GALNT1: variants seen among roughly 807,000 people sequenced by gnomAD.
GALNT1 encodes the protein polypeptide N-acetylgalactosaminyltransferase 1, also known as GalNAc transferase 1.
Under a neutral mutation model 65.7 loss-of-function variants are expected in GALNT1, and 17 were observed. The observed-to-expected ratio is 0.26, with a 90% CI of 0.18 to 0.39. The LOEUF (loss-of-function observed/expected upper bound fraction) is 0.39, where lower values mean the gene tolerates loss of function less well. Ranked by LOEUF, GALNT1 falls within the 10% of genes least tolerant of loss-of-function variation. The pLI is 1.00. For synonymous variants in GALNT1, 210 were observed against 219.7 expected, an observed-to-expected ratio of 0.96 and a Z score of 0.39; for missense variants, 460 against 672.8, an observed-to-expected ratio of 0.68 and a Z score of 3.50.
intron 1 of GALNT1, among the ~76,000 whole-genome samples, chr18:35,626,552 T>C (rs2046919570): frequency 6.6e-6 from 1 of 152,190 alleles, no homozygotes; most frequent in African/African-American, 2.4e-5. Flanking sequence ...TAATTATAGG[T>C]TGCAGATTGG....
chr18:35,652,696 C>A (rs539991989), intron 1 of GALNT1, among the ~76,000 whole-genome samples: 1 of 152,100 alleles, frequency 6.6e-6, no homozygotes, highest in Non-Finnish European at 1.5e-5. Flanking sequence ...TTTTTTGCCT[C>A]TCCTTTATCT....
chr18:35,626,426 A>G (rs904178430), intron 1 of GALNT1, among the ~76,000 whole-genome samples: 3 of 152,194 alleles, frequency 2.0e-5, no homozygotes, highest in Admixed American at 6.5e-5. Flanking sequence ...CTTAAAATTT[A>G]TATTGAAGTT....
intron 1 of GALNT1, among the ~76,000 whole-genome samples, chr18:35,623,384 A>C (rs1469011465): frequency 6.6e-6 from 1 of 152,058 alleles, no homozygotes; most frequent in Non-Finnish European, 1.5e-5. Flanking sequence ...AGTTTTAAAC[A>C]AGATGTGCTG....
chr18:35,642,378 G>A (rs187495280), intron 1 of GALNT1, among the ~76,000 whole-genome samples: 56 of 152,266 alleles, frequency 3.7e-4, no homozygotes, highest in Middle Eastern at 6.8e-3. Context: ...CCACTTATAA[G>A]CACTTCAGAA....
At chr18:35,629,086 T>G (rs1302398341) in intron 1 of GALNT1, among the ~76,000 whole-genome samples, 2 of 152,124 alleles carry the variant, frequency 1.3e-5, no homozygotes, top group African/African-American at 4.8e-5. Context: ...CAAATCTACA[T>G]CTGATTGGTG....
chr18:35,677,261 G>T (rs1056931965), intron 3 of GALNT1, among the ~76,000 whole-genome samples: 7 of 152,094 alleles, frequency 4.6e-5, no homozygotes, highest in Non-Finnish European at 1.0e-4. Flanking sequence ...GTCTAATAGG[G>T]TCTTTGAAAT....
intron 3 of GALNT1, among the ~76,000 whole-genome samples, chr18:35,666,925 C>G (rs1391683724): frequency 6.6e-6 from 1 of 151,734 alleles, no homozygotes; most frequent in Non-Finnish European, 1.5e-5. Context: ...CACTCTATCT[C>G]TGGACTGATA....
chr18:35,599,464 G>T (rs1190224194), intron 1 of GALNT1, among the ~76,000 whole-genome samples: 1 of 150,306 alleles, frequency 6.7e-6, no homozygotes, highest in African/African-American at 2.5e-5. Flanking sequence ...TTGAACTCCG[G>T]GGCTCAAGTG....
Position 35,615,466 on chromosome 18 carries a change from G to A in GALNT1, c.-104+33604G>A, listed in dbSNP as rs140656328. On this transcript the variant is annotated intron_variant, in intron 1 of 11. Transcript: ENST00000269195. The stretch of plus-strand genomic sequence containing the variant: ...CTAGATTGTGAAAGGCAAAACTTAA[G>A]CCTCCAGAATAAAATATTAGAGAGT... Among the ~76,000 whole-genome samples, 593 of 152,222 alleles carry A rather than the reference G, an allele frequency of 3.9e-3. 9 individuals are homozygous for A. The highest frequency in any genetic ancestry group is 0.014 in the African/African-American group (568 of 41,546).
intron 1 of GALNT1, among the ~76,000 whole-genome samples, chr18:35,624,735 C>G (rs1424369410): frequency 1.3e-5 from 2 of 151,978 alleles, no homozygotes; most frequent in Non-Finnish European, 2.9e-5. Flanking sequence ...CCTTTTAATT[C>G]TCAACATATT....
At chr18:35,626,119 C>T (rs138252238) in intron 1 of GALNT1, among the ~76,000 whole-genome samples, 81 of 152,238 alleles carry the variant, frequency 5.3e-4, no homozygotes, top group Non-Finnish European at 6.0e-4. Context: ...GTCATTCTCC[C>T]CACCAGTTTC....
chr18:35,660,625 T>G (rs977215000), intron 2 of GALNT1, among the ~76,000 whole-genome samples: 4 of 152,204 alleles, frequency 2.6e-5, no homozygotes, highest in Admixed American at 2.0e-4. Context: ...AACCTACTTT[T>G]AATACACATA....
rs945388122 is a variant in GALNT1, at chr18:35,711,558, A to G, written c.*1788A>G. 1.3e-5 allele frequency: 2 copies of G among 152,234 alleles called. No individual in the cohort carries two copies. Among genetic ancestry groups the G allele is most frequent in the African/African-American group, 2.4e-5 (1 of 41,470 alleles). The allele number at this position is 152,234 out of a possible 1,614,324, so 9.4% of individuals were successfully genotyped here. A position where few individuals can be genotyped will look rare whatever the true frequency, so the allele number is the denominator to read the frequency against. On this transcript the variant is annotated 3_prime_UTR_variant, in exon 12 of 12. Coordinates refer to ENST00000269195, the MANE Select transcript of GALNT1 (RefSeq NM_020474.4). ...CTTTTCCATGAGCTGTGTTAATTCTATCTCCAGTAGGCCTAATGCTTGAAT... is the reference window on the plus strand; with the variant it reads ...CTTTTCCATGAGCTGTGTTAATTCTGTCTCCAGTAGGCCTAATGCTTGAAT...
chr18:35,622,427 T>G (rs2046864920), intron 1 of GALNT1, among the ~76,000 whole-genome samples: 2 of 152,074 alleles, frequency 1.3e-5, no homozygotes, highest in South Asian at 4.1e-4. Flanking sequence ...AACTTTTGTA[T>G]TTTTTGTAGA....
chr18:35,642,699 C>T (rs1008088372), intron 1 of GALNT1, among the ~76,000 whole-genome samples: 2 of 149,656 alleles, frequency 1.3e-5, no homozygotes, highest in Non-Finnish European at 3.0e-5. Context: ...TTATGACCCA[C>T]AGAGTGGAAG....
chr18:35,670,960 A>G (rs1461692533), intron 3 of GALNT1, among the ~76,000 whole-genome samples: 1 of 152,186 alleles, frequency 6.6e-6, no homozygotes, highest in East Asian at 1.9e-4. Context: ...CATCATACAG[A>G]AAAATCAATT....
chr18:35,709,706 A>G lies in GALNT1; in HGVS notation c.1616A>G (p.Asp539Gly). 6.2e-7 allele frequency: 1 copy of G among 1,614,092 alleles called. No individual in the cohort carries two copies. The highest frequency in any genetic ancestry group is 8.5e-7 in the Non-Finnish European group (1 of 1,179,980). Reference sequence around the variant, plus strand: ...GATAGCCAGGTGCCCAGCATTAGAGACTGCAATGGAAGTCGGTCCCAGCAG... The same window carrying G: ...GATAGCCAGGTGCCCAGCATTAGAGGCTGCAATGGAAGTCGGTCCCAGCAG... ...EEDSQVPSIR[D>G]CNGSRSQQWL... is the part of the protein sequence containing the mutation. The change falls in exon 12 of 12, where the codon GAC (aspartate) becomes GGC (glycine). Residue 539 changes from aspartate to glycine, a missense_variant. Transcript: ENST00000269195.
intron 9 of GALNT1, among the ~76,000 whole-genome samples, chr18:35,700,331 C>A (rs2048139961): frequency 6.6e-6 from 1 of 152,210 alleles, no homozygotes; most frequent in Non-Finnish European, 1.5e-5. Context: ...AACATCATAG[C>A]TGTGCTCTTT....
chr18:35,656,414 T>C (rs1021689601), intron 2 of GALNT1, among the ~76,000 whole-genome samples: 1 of 152,166 alleles, frequency 6.6e-6, no homozygotes, highest in African/African-American at 2.4e-5. Flanking sequence ...ATCAGCGTAA[T>C]AAATATCACT....
Sources: gnomAD v4.1 joint callset for allele counts (sites outside exome capture counted in the v4.1 genomes callset) on GRCh38, gnomAD v4.1.1 for gene constraint, MANE v1.5 for transcripts, NCBI Gene and HGNC (gene_info 2026-07-23, HGNC 2026-07-21) for gene names.